MYOM3: variants seen among roughly 807,000 people sequenced by gnomAD.
MYOM3 encodes myomesin 3, also known as myomesin-3.
Under a neutral mutation model 191.7 loss-of-function variants are expected in MYOM3, and 155 were observed. The observed-to-expected ratio is 0.81, with a 90% CI of 0.71 to 0.92. The LOEUF (loss-of-function observed/expected upper bound fraction) is 0.92, where lower values mean the gene tolerates loss of function less well. MYOM3 is among the 40% of genes least tolerant of loss of function. The pLI, the probability that MYOM3 is intolerant of heterozygous loss-of-function variation, is 0.00. For missense variants in MYOM3, 1,889 were observed against 1,890.6 expected, an observed-to-expected ratio of 1.00 and a Z score of 0.02; for synonymous variants, 757 against 762.9, an observed-to-expected ratio of 0.99 and a Z score of 0.13.
At position 24,086,779 on chromosome 1, in the gene MYOM3, C is replaced by T; in HGVS notation, c.1663G>A (p.Val555Met). Residue 555 changes from valine to methionine, a missense_variant, in exon 15 of 37, where the codon GTG (valine) becomes ATG (methionine). Transcript: ENST00000374434. ...AGAACGGCGAATCTCGGGGATCTCA[C>T]AGGGCTTTCCGAGCTGATGGCCTCC... is the stretch of plus-strand genomic sequence containing the variant. ...TWEAISSESP[V>M]RSPRFAVLDL... is the part of the protein sequence containing the mutation. 1 of 1,614,226 alleles carries T rather than the reference C, an allele frequency of 6.2e-7. No homozygotes were observed. The highest frequency in any genetic ancestry group is 8.5e-7 in the Non-Finnish European group (1 of 1,180,026).
chr1:24,067,313 TTTCTTTCTTTCC>T (rs1233589162), intron 27 of MYOM3, among the ~76,000 whole-genome samples: 12 of 115,836 alleles, frequency 1.0e-4, no homozygotes, highest in Admixed American at 1.7e-4. Flanking sequence ...TCCTTCTTTC[TTTCTTTCTTTCC>T]TTCTTTCTTT....
At chr1:24,077,014 G>A (rs1264501903) in intron 20 of MYOM3, among the ~76,000 whole-genome samples, 2 of 152,012 alleles carry the variant, frequency 1.3e-5, no homozygotes, top group Non-Finnish European at 2.9e-5. Flanking sequence ...TAGAGGTGGG[G>A]TTTCACCATG....
chr1:24,107,865 C>T lies in MYOM3; in HGVS notation c.242+128G>A, dbSNP rs139526319. 1,960 of 782,512 alleles carry T rather than the reference C, an allele frequency of 2.5e-3. 33 individuals are homozygous for T. In the African/African-American group the frequency reaches 0.029, roughly 12 times the overall value. The allele number at this position is 782,512 out of a possible 1,614,324, so 48.5% of individuals were successfully genotyped here. A position where few individuals can be genotyped will look rare whatever the true frequency, so the allele number is the denominator to read the frequency against. ...CCTGGGCTTAAACTCCTGTCTAGAC[C>T]CTTATTCTAGATGTGGGATTTTGGG... On this transcript the variant is annotated intron_variant, in intron 3 of 36. Coordinates refer to ENST00000374434, the MANE Select transcript of MYOM3 (RefSeq NM_152372.4).
At chr1:24,061,007 G>A (rs866847822) in intron 35 of MYOM3, 53 bp downstream of exon 35, 1 of 1,609,960 alleles carries the variant, frequency 6.2e-7, no homozygotes, top group Non-Finnish European at 8.5e-7. Context: ...GAGCTTCCAG[G>A]AAGTTTGCCC....
chr1:24,075,325 A>T lies in MYOM3; in HGVS notation c.2852T>A (p.Val951Asp). The change falls in exon 22 of 37, where the codon GTT becomes GAT. Residue 951 changes from valine (V) to aspartate (D), a missense_variant. Transcript: ENST00000374434. ...CTCCTCTCGCCTCACTTACTTGTTA[A>T]CTTTATCCTCGATCTTGACCCTCTG... ...DPQRVKIEDK[V>D]NKSKVILKEP... The T allele has an allele frequency of 6.2e-7, 1 of 1,612,136 alleles. No individual in the cohort carries two copies. The highest frequency in any genetic ancestry group is 8.5e-7 in the Non-Finnish European group (1 of 1,179,906).
At position 24,063,712 on chromosome 1, in the gene MYOM3, G is replaced by C. The variant is rs1481100143; in HGVS notation, c.3623-182C>G. 2.0e-5 allele frequency among the ~76,000 whole-genome samples: 3 copies of C among 152,028 alleles called. No homozygotes were observed. The highest frequency in any genetic ancestry group is 2.1e-4 in the South Asian group (1 of 4,832). On this transcript the variant is annotated intron_variant, in intron 30 of 36. Coordinates refer to ENST00000374434, the MANE Select transcript of MYOM3 (RefSeq NM_152372.4). This position sits in a 1 kb window ranked among gnomAD's most constrained non-coding sequence, Gnocchi z 4.5. ...GGGGGTTCAGGGCACTCAGCAATGG[G>C]GTGGGCAGAAGGGCACTATGGATGG...
At position 24,082,731 on chromosome 1, in the gene MYOM3, C is replaced by T; in HGVS notation, c.1971-17G>A. 2 of 1,584,054 alleles carry T rather than the reference C, an allele frequency of 1.3e-6. No homozygotes were observed. Among genetic ancestry groups the T allele is most frequent in the South Asian group, 2.3e-5 (2 of 85,402 alleles). ...ACTGTAAACCTGGGAGAGAAATGTG[C>T]AGCTTTCATGGATGTACAAACAGCC... On this transcript the variant is annotated splice_polypyrimidine_tract_variant and intron_variant, in intron 16 of 36. Coordinates refer to ENST00000374434, the MANE Select transcript of MYOM3 (RefSeq NM_152372.4).
rs928544232 is a variant in MYOM3, at chr1:24,071,200, G to A, written c.3067C>T (p.Arg1023Trp). ...AACTTTTCTACTTCCAGCCAAAGCC[G>A]CACCTCCCCTCGCTCCAGGATGTCA... is the stretch of plus-strand genomic sequence containing the variant. ...NIDILERGEV[R>W]LWLEVEKLSP... Residue 1023 changes from arginine (R) to tryptophan (W), a missense_variant, in exon 25 of 37, where the codon CGG (arginine) becomes TGG (tryptophan). Transcript: ENST00000374434. The A allele has an allele frequency of 1.2e-6, 2 of 1,613,806 alleles. No homozygotes were observed. The highest frequency in any genetic ancestry group is 4.5e-5 in the East Asian group (2 of 44,888).
chr1:24,089,749 A>G, intron 13 of MYOM3, 84 bp from the exon 14 acceptor site: 3 of 1,438,644 alleles, frequency 2.1e-6, no homozygotes, highest in Non-Finnish European at 1.9e-6. Context: ...GGAAGAGGGA[A>G]CTACACCCCT....
At chr1:24,094,125 G>A (rs1330459414) in intron 9 of MYOM3, among the ~76,000 whole-genome samples, 4 of 150,624 alleles carry the variant, frequency 2.7e-5, no homozygotes, top group African/African-American at 4.9e-5. Context: ...CCTGCCTCCC[G>A]ATCTTGGGGC....
At chr1:24,069,862 C>T (rs539177075) in intron 25 of MYOM3, among the ~76,000 whole-genome samples, 3 of 152,038 alleles carry the variant, frequency 2.0e-5, no homozygotes, top group South Asian at 4.1e-4. Context: ...TCGCCTGCCT[C>T]GGCCTCCCAA....
In MYOM3 at chr1:24,105,669, G is replaced by C. The variant is rs147796635; in HGVS notation, c.560+251C>G. ...AGCTACTTGGGAGGCTGAGATGGGA[G>C]GATCACTTGAGCCCAGGAGTCAAGA... On this transcript the variant is annotated intron_variant, in intron 5 of 36. Coordinates refer to ENST00000374434, the MANE Select transcript of MYOM3 (RefSeq NM_152372.4). Among the ~76,000 whole-genome samples the C allele has an allele frequency of 4.4e-3, 671 of 152,332 alleles. 7 individuals are homozygous for C. Among genetic ancestry groups the C allele is most frequent in the African/African-American group, 0.015 (616 of 41,576 alleles).
intron 28 of MYOM3, chr1:24,066,783 T>G: frequency 5.9e-6 from 3 of 511,110 alleles, no homozygotes; most frequent in Non-Finnish European, 1.0e-5. Flanking sequence ...CTGGAGCCAC[T>G]AGGATCTCGT....
chr1:24,078,324 C>G (rs1643626401), intron 20 of MYOM3, among the ~76,000 whole-genome samples: 1 of 152,030 alleles, frequency 6.6e-6, no homozygotes, highest in Non-Finnish European at 1.5e-5. Flanking sequence ...ACTATGTTGG[C>G]CAGGCTGGTC....
chr1:24,090,093 C>G lies in MYOM3; in HGVS notation c.1458G>C (p.Lys486Asn). ...KTEIPFDLGNKITISTDAFED... is the reference protein window; with the variant it reads ...KTEIPFDLGNNITISTDAFED... ...CAAAAGCGTCTGTGCTGATGGTGAT[C>G]TTGTTTCCCAGATCAAAGGGGATCT... The change falls in exon 13 of 37, where the codon AAG becomes AAC. Residue 486 changes from lysine to asparagine, a missense_variant. By Grantham distance (94) the Lys-to-Asn change is moderately conservative. Coordinates refer to ENST00000374434, the MANE Select transcript of MYOM3 (RefSeq NM_152372.4). 6.2e-7 allele frequency: 1 copy of G among 1,613,894 alleles called. No individual in the cohort carries two copies. Among genetic ancestry groups the G allele is most frequent in the East Asian group, 2.2e-5 (1 of 44,882 alleles).
chr1:24,108,695 G>A (rs888278462), intron 1 of MYOM3, 41 bp from the exon 2 acceptor site: 183 of 1,445,586 alleles, frequency 1.3e-4, no homozygotes, highest in Non-Finnish European at 1.5e-4. Flanking sequence ...CCAGGTGCCC[G>A]CCTATCCCCT....
intron 35 of MYOM3, among the ~76,000 whole-genome samples, chr1:24,060,082 C>G (rs1373087270): frequency 6.6e-6 from 1 of 152,210 alleles, no homozygotes; most frequent in Non-Finnish European, 1.5e-5. Context: ...CAGCTTTCCT[C>G]TATTAGGGTC....
intron 15 of MYOM3, among the ~76,000 whole-genome samples, chr1:24,086,283 A>G (rs1234931697): frequency 6.6e-6 from 1 of 152,054 alleles, no homozygotes; most frequent in Non-Finnish European, 1.5e-5. Context: ...CCCACCAGAC[A>G]AGGAGCAGGG....
chr1:24,076,388 C>G (rs1037350722), intron 20 of MYOM3, 115 bp from the exon 21 acceptor site: 6 of 695,106 alleles, frequency 8.6e-6, no homozygotes, highest in Non-Finnish European at 1.5e-5. Flanking sequence ...TTCTTGTGTC[C>G]CTCATCTTTC....
Sources: allele counts gnomAD v4.1 joint callset (sites outside exome capture counted in the v4.1 genomes callset), GRCh38; gene constraint gnomAD v4.1.1; non-coding constraint Gnocchi (gnomAD v3.1); transcripts MANE v1.5; gene names NCBI Gene and HGNC (gene_info 2026-07-23, HGNC 2026-07-21).